ANK2: variants seen among roughly 807,000 people sequenced by gnomAD.
ANK2 encodes ankyrin-2.
In ANK2, 83 loss-of-function variants were observed where a neutral mutation model predicts 360.5. That is an observed-to-expected ratio of 0.23 (90% CI 0.19 to 0.28). The LOEUF (loss-of-function observed/expected upper bound fraction) is 0.28, where lower values mean the gene tolerates loss of function less well. ANK2 is among the 10% of genes least tolerant of loss of function. ANK2 has a pLI of 1.00. For missense variants in ANK2, 4,201 were observed against 4,795.7 expected (o/e 0.88, Z 3.66); for synonymous variants, 1,740 against 1,759.5 (o/e 0.99, Z 0.28).
rs1563831864 is a variant in ANK2 at position 113,333,150 on chromosome 4, G to A, written c.3321G>A (p.Glu1107=). 2.5e-6 allele frequency: 4 copies of A among 1,614,230 alleles called. No individual in the cohort carries two copies. Among genetic ancestry groups the A allele is most frequent in the South Asian group, 1.1e-5 (1 of 91,080 alleles). ...GTGAGAATGGGGACAGCTGGAAAGAGCATTTCTGTGACTACACTGAAGATG... is the reference window on the plus strand; with the variant it reads ...GTGAGAATGGGGACAGCTGGAAAGAACATTTCTGTGACTACACTGAAGATG... ...LRSENGDSWK[E]HFCDYTEDEL... The change falls in exon 29 of 46, where the codon GAG becomes GAA. Residue 1107 remains glutamate (E), a synonymous_variant. Coordinates refer to ENST00000357077, the MANE Select transcript of ANK2 (RefSeq NM_001148.6).
chr4:112,766,878 G>C, the ANK2 span, among the ~76,000 whole-genome samples: 1 of 152,134 alleles, frequency 6.6e-6, no homozygotes, highest in Admixed American at 6.6e-5. Flanking sequence ...TCAGAAGAGG[G>C]AATGGATGCT....
intron 2 of ANK2, among the ~76,000 whole-genome samples, chr4:112,920,979 A>C (rs928546631): frequency 5.9e-5 from 9 of 152,230 alleles, no homozygotes; most frequent in East Asian, 5.8e-4. Context: ...TTATTTAAAC[A>C]CATCATGTTA....
intron 2 of ANK2, among the ~76,000 whole-genome samples, chr4:112,997,677 A>G (rs1276587840): frequency 6.6e-6 from 1 of 151,456 alleles, no homozygotes; most frequent in East Asian, 1.9e-4. Context: ...CATTCATTTA[A>G]TTAGTTAATT....
chr4:113,294,168 C>G (rs1392626114), intron 22 of ANK2, among the ~76,000 whole-genome samples: 2 of 152,192 alleles, frequency 1.3e-5, no homozygotes, highest in East Asian at 3.8e-4. Context: ...GTGATTATCA[C>G]TGGCCTTTGC....
intron 9 of ANK2, among the ~76,000 whole-genome samples, chr4:113,247,931 C>G (rs1009588735): frequency 6.6e-6 from 1 of 152,168 alleles, no homozygotes; most frequent in Non-Finnish European, 1.5e-5. Context: ...CCACAGGGTG[C>G]TTTTATCAGG....
At chr4:112,787,527 C>T in the ANK2 span, among the ~76,000 whole-genome samples, 1 of 152,200 alleles carries the variant, frequency 6.6e-6, no homozygotes, top group Non-Finnish European at 1.5e-5. Flanking sequence ...CATCAATTCT[C>T]TCTGTATTCT....
intron 2 of ANK2, among the ~76,000 whole-genome samples, chr4:112,923,510 G>A (rs1249474439): frequency 6.6e-6 from 1 of 151,598 alleles, no homozygotes; most frequent in African/African-American, 2.4e-5. Context: ...ACATAAAATT[G>A]GGGAAAAATA....
chr4:112,855,547 A>G (rs2066161755), intron 1 of ANK2, among the ~76,000 whole-genome samples: 1 of 152,182 alleles, frequency 6.6e-6, no homozygotes, highest in Non-Finnish European at 1.5e-5. Flanking sequence ...CCCTGAATGT[A>G]TATATCAAGT....
At chr4:113,068,810 C>G (rs2076513360) in intron 1 of ANK2, among the ~76,000 whole-genome samples, 1 of 152,120 alleles carries the variant, frequency 6.6e-6, no homozygotes, top group Admixed American at 6.6e-5. Context: ...CCTATAATCT[C>G]AGCACTTTGG....
chr4:113,084,509 A>G (rs1240753450), intron 1 of ANK2, among the ~76,000 whole-genome samples: 1 of 152,214 alleles, frequency 6.6e-6, no homozygotes, highest in Non-Finnish European at 1.5e-5. Flanking sequence ...ACTAGAGGAG[A>G]TGTTATAGCA....
the ANK2 span, among the ~76,000 whole-genome samples, chr4:112,766,667 C>T: frequency 6.6e-6 from 1 of 152,148 alleles, no homozygotes; most frequent in African/African-American, 2.4e-5. Flanking sequence ...CCCTCAAGCC[C>T]AGCAGAAAAG....
chr4:113,010,263 C>T (rs1053845870), intron 2 of ANK2, among the ~76,000 whole-genome samples: 17 of 152,056 alleles, frequency 1.1e-4, no homozygotes, highest in Admixed American at 2.0e-4. Flanking sequence ...AAAAATTGTT[C>T]TCTCTACTAC....
At chr4:112,906,445 A>G (rs2085253845) in intron 2 of ANK2, among the ~76,000 whole-genome samples, 1 of 152,160 alleles carries the variant, frequency 6.6e-6, no homozygotes, top group Non-Finnish European at 1.5e-5. Flanking sequence ...TGGATAGGGA[A>G]GTTGGGATGA....
rs535569173 is a variant in ANK2 at position 113,356,134 on chromosome 4, C to T, written c.7516C>T (p.Arg2506Trp). ...TELLTEVASVRSRLLRDPDGS... is the reference protein window; with the variant it reads ...TELLTEVASVWSRLLRDPDGS... ...ACTCTTGACGGAAGTGGCCTCTGTG[C>T]GGTCCCGGCTACTCCGAGACCCTGA... Residue 2506 changes from arginine (R) to tryptophan (W), a missense_variant, in exon 38 of 46, where the codon CGG becomes TGG. By Grantham distance (101) the Arg-to-Trp change is moderately radical. Around this residue, in one of 4 missense-constraint regions of ANK2, gnomAD observed 2,642 missense variants for 2,714.5 expected, o/e 0.97. Transcript: ENST00000357077. 1.8e-5 allele frequency: 29 copies of T among 1,614,070 alleles called. No homozygotes were observed. The highest frequency in any genetic ancestry group is 9.9e-5 in the South Asian group (9 of 91,066).
intron 1 of ANK2, among the ~76,000 whole-genome samples, chr4:113,071,022 A>C (rs2077354715): frequency 6.6e-6 from 1 of 152,190 alleles, no homozygotes; most frequent in Non-Finnish European, 1.5e-5. Flanking sequence ...AAGAATGTCT[A>C]GTTAGATTTA....
intron 17 of ANK2, among the ~76,000 whole-genome samples, chr4:113,281,271 C>T (rs1056798287): frequency 1.3e-5 from 2 of 152,118 alleles, no homozygotes; most frequent in Non-Finnish European, 2.9e-5. Context: ...TGATTACAGG[C>T]TCAAACCTGT....
intron 2 of ANK2, among the ~76,000 whole-genome samples, chr4:113,003,657 T>C (rs2051632557): frequency 6.6e-6 from 1 of 152,076 alleles, no homozygotes; most frequent in South Asian, 2.1e-4. Flanking sequence ...GTAGGGTCAG[T>C]GGTCCAGTTT....
intron 1 of ANK2, among the ~76,000 whole-genome samples, chr4:113,158,224 A>T (rs899162937): frequency 2.0e-5 from 3 of 152,236 alleles, no homozygotes; most frequent in Non-Finnish European, 2.9e-5. Flanking sequence ...GAATAAATAC[A>T]TATGAATCAT....
At chr4:112,964,581 T>G (rs1582085026) in intron 2 of ANK2, among the ~76,000 whole-genome samples, 1 of 150,978 alleles carries the variant, frequency 6.6e-6, no homozygotes, top group African/African-American at 2.4e-5. Context: ...TTCTTTTTTT[T>G]TTTTTTTGAG....
Sources: allele counts gnomAD v4.1 joint callset (sites outside exome capture counted in the v4.1 genomes callset), GRCh38; gene constraint gnomAD v4.1.1; regional missense constraint gnomAD v4.1.1; transcripts MANE v1.5; gene names NCBI Gene and HGNC (gene_info 2026-07-23, HGNC 2026-07-21).